SYAP1: variants seen among roughly 807,000 people sequenced by gnomAD.
SYAP1 encodes synapse associated protein 1, also known as synapse-associated protein 1.
Under a neutral mutation model 29.6 loss-of-function variants are expected in SYAP1, and 3 were observed. That is an observed-to-expected ratio of 0.10 (90% CI 0.05 to 0.26). The LOEUF is 0.26. SYAP1 is among the 10% of genes least tolerant of loss of function. SYAP1 has a pLI of 1.00. For missense variants in SYAP1, 217 were observed against 264.1 expected (o/e 0.82, Z 1.24); for synonymous variants, 102 against 102.7 (o/e 0.99, Z 0.04).
Position 16,763,473 on chromosome X carries a change from C to T in SYAP1, c.*3114C>T, listed in dbSNP as rs1396395856. 1 of 110,386 alleles carries T rather than the reference C, an allele frequency of 9.1e-6. No homozygotes were observed. Among genetic ancestry groups the T allele is most frequent in the Non-Finnish European group, 1.9e-5 (1 of 52,849 alleles). The allele number at this position is 110,386 out of a possible 1,213,427, so 9.1% of individuals were successfully genotyped here. Reference sequence around the variant, plus strand: ...GTTCAAGCGATTCTCCCACCTCAGCCTCCAGAGTAGCTGGGATTACAGGCA... The same window carrying T: ...GTTCAAGCGATTCTCCCACCTCAGCTTCCAGAGTAGCTGGGATTACAGGCA... On this transcript the variant is annotated 3_prime_UTR_variant, in exon 9 of 9. Coordinates refer to ENST00000380155, the MANE Select transcript of SYAP1 (RefSeq NM_032796.4).
chrX:16,738,024 A>G lies in SYAP1; in HGVS notation c.361+1792A>G, dbSNP rs143619984. On this transcript the variant is annotated intron_variant, in intron 3 of 8. Coordinates refer to ENST00000380155, the MANE Select transcript of SYAP1 (RefSeq NM_032796.4). Reference sequence around the variant, plus strand: ...TCAAGCATGAAGGGAGATGAGCAGAAGCTCCACAGTGTTTAGGGAGGGGAA... The same window carrying G: ...TCAAGCATGAAGGGAGATGAGCAGAGGCTCCACAGTGTTTAGGGAGGGGAA... 8.3e-3 allele frequency among the ~76,000 whole-genome samples: 924 copies of G among 111,831 alleles called. 11 individuals are homozygous for G. Among genetic ancestry groups the G allele is most frequent in the African/African-American group, 0.028 (877 of 30,823 alleles).
At chrX:16,744,512 A>G (rs1926551211) in intron 5 of SYAP1, among the ~76,000 whole-genome samples, 1 of 112,579 alleles carries the variant, frequency 8.9e-6, no homozygotes, top group African/African-American at 3.2e-5. Flanking sequence ...CTGTTCCCTG[A>G]GTACGTTAGT....
chrX:16,740,342 C>CTT (rs57231597), intron 3 of SYAP1, among the ~76,000 whole-genome samples: 29,918 of 90,225 alleles, frequency 0.33, 4,351 homozygotes, highest in East Asian at 0.55. Context: ...TTGTGCATTT[C>CTT]TTTTTTTTTT....
chrX:16,755,436 G>A (rs1230401823), intron 6 of SYAP1, among the ~76,000 whole-genome samples: 1 of 109,756 alleles, frequency 9.1e-6, no homozygotes, highest in African/African-American at 3.3e-5. Context: ...GGACTTACAG[G>A]CATGAGCCAC....
intron 1 of SYAP1, among the ~76,000 whole-genome samples, chrX:16,732,179 C>T (rs1926222943): frequency 8.9e-6 from 1 of 112,257 alleles, no homozygotes; most frequent in Non-Finnish European, 1.9e-5. Flanking sequence ...GTCACATAAA[C>T]TTGAAAAAGC....
intron 1 of SYAP1, among the ~76,000 whole-genome samples, chrX:16,728,335 T>C (rs1053764608): frequency 9.0e-6 from 1 of 111,504 alleles, no homozygotes; most frequent in African/African-American, 3.3e-5. Context: ...AGAGCACTTG[T>C]TAGAGCTTTA....
chrX:16,743,420 G>A (rs945697276), intron 4 of SYAP1, among the ~76,000 whole-genome samples: 10 of 109,867 alleles, frequency 9.1e-5, no homozygotes, highest in Non-Finnish European at 1.9e-4. Context: ...TGGATCACGA[G>A]GTCAGGAGTT....
In SYAP1 at chrX:16,719,633, C is replaced by T. The variant is rs1925903469; in HGVS notation, c.-92C>T. The T allele has an allele frequency of 4.8e-6, 5 of 1,033,027 alleles. No individual in the cohort carries two copies. In the South Asian group the frequency reaches 9.3e-5, roughly 19 times the overall value. 85.1% of individuals were successfully genotyped at this position (1,033,027 alleles called of 1,213,427 possible). A position where few individuals can be genotyped will look rare whatever the true frequency, so the allele number is the denominator to read the frequency against. On this transcript the variant is annotated 5_prime_UTR_variant, in exon 1 of 9. Coordinates refer to ENST00000380155, the MANE Select transcript of SYAP1 (RefSeq NM_032796.4). ...CGGTGTTCCTCCGACTTCCGGACATCTCCCTGGGAGTCGCGCAGAGTGGAG... is the reference window on the plus strand; with the variant it reads ...CGGTGTTCCTCCGACTTCCGGACATTTCCCTGGGAGTCGCGCAGAGTGGAG...
At position 16,765,154 on chromosome X, in the gene SYAP1, C is replaced by A. The variant is rs912130622; in HGVS notation, c.*4795C>A. The stretch of plus-strand genomic sequence containing the variant: ...ATCACATGCAGTTATATACTTCTCA[C>A]AAATCATCAAATTATTTATCTGGTC... On this transcript the variant is annotated 3_prime_UTR_variant, in exon 9 of 9. Transcript: ENST00000380155. 1 of 112,357 alleles carries A rather than the reference C, an allele frequency of 8.9e-6. No homozygotes were observed. Among genetic ancestry groups the A allele is most frequent in the African/African-American group, 3.2e-5 (1 of 30,977 alleles). The allele number at this position is 112,357 out of a possible 1,213,427, so 9.3% of individuals were successfully genotyped here. A position where few individuals can be genotyped will look rare whatever the true frequency, so the allele number is the denominator to read the frequency against.
rs187849042 is a variant in SYAP1 at position 16,722,699 on chromosome X, C to A, written c.175+2800C>A. Among the ~76,000 whole-genome samples, 347 of 111,002 alleles carry A rather than the reference C, an allele frequency of 3.1e-3. 3 individuals are homozygous for A. The highest frequency in any genetic ancestry group is 0.011 in the African/African-American group (334 of 30,509). On this transcript the variant is annotated intron_variant, in intron 1 of 8. Coordinates refer to ENST00000380155, the MANE Select transcript of SYAP1 (RefSeq NM_032796.4). ...CACCCAGGCCTGCATTCCACTCCCT[C>A]ACTCAAAACCAAACCTCCTGGTCTC... is the stretch of plus-strand genomic sequence containing the variant.
intron 1 of SYAP1, among the ~76,000 whole-genome samples, chrX:16,721,733 C>T (rs1925967753): frequency 9.2e-6 from 1 of 108,402 alleles, no homozygotes; most frequent in Non-Finnish European, 1.9e-5. Flanking sequence ...GACAGTGTTT[C>T]ACCATGTTGG....
At chrX:16,738,474 G>A (rs1926376870) in intron 3 of SYAP1, among the ~76,000 whole-genome samples, 1 of 111,274 alleles carries the variant, frequency 9.0e-6, no homozygotes, top group African/African-American at 3.3e-5. Context: ...AGGTCACTCA[G>A]CTGGTAAGTG....
chrX:16,742,143 G>GT (rs144175479), intron 4 of SYAP1, among the ~76,000 whole-genome samples: 9,313 of 41,803 alleles, frequency 0.22, 2,227 homozygotes, highest in African/African-American at 0.27. Flanking sequence ...TTTTTGTGTG[G>GT]TTTTTTTTTT....
At chrX:16,735,101 C>T in intron 1 of SYAP1, 126 bp from the exon 2 acceptor site, 1 of 368,954 alleles carries the variant, frequency 2.7e-6, no homozygotes, top group Admixed American at 5.2e-5. Flanking sequence ...ACTGTCAGTG[C>T]TTCTCATTAC....
chrX:16,724,803 G>A (rs1349433697), intron 1 of SYAP1, among the ~76,000 whole-genome samples: 3 of 111,986 alleles, frequency 2.7e-5, no homozygotes, highest in Non-Finnish European at 5.6e-5. Flanking sequence ...AAATTTCTTG[G>A]GGTGGAGCTG....
At position 16,719,640 on chromosome X, in the gene SYAP1, G is replaced by A. The variant is rs1925904034; in HGVS notation, c.-85G>A. The A allele has an allele frequency of 9.5e-7, 1 of 1,056,149 alleles. No homozygotes were observed. The highest frequency in any genetic ancestry group is 1.9e-5 in the African/African-American group (1 of 52,956). The allele number at this position is 1,056,149 out of a possible 1,213,427, so 87.0% of individuals were successfully genotyped here. On this transcript the variant is annotated 5_prime_UTR_variant, in exon 1 of 9. Coordinates refer to ENST00000380155, the MANE Select transcript of SYAP1 (RefSeq NM_032796.4). ...CCTCCGACTTCCGGACATCTCCCTGGGAGTCGCGCAGAGTGGAGTCAAAGG... is the reference window on the plus strand; with the variant it reads ...CCTCCGACTTCCGGACATCTCCCTGAGAGTCGCGCAGAGTGGAGTCAAAGG...
At chrX:16,744,864 G>A (rs1252160113) in intron 5 of SYAP1, among the ~76,000 whole-genome samples, 4 of 112,365 alleles carry the variant, frequency 3.6e-5, no homozygotes, top group East Asian at 2.8e-4. Flanking sequence ...TACTCAGGAA[G>A]CTGAGGCGGG....
chrX:16,748,939 T>C (rs1926667793), intron 5 of SYAP1, among the ~76,000 whole-genome samples: 1 of 109,795 alleles, frequency 9.1e-6, no homozygotes, highest in Non-Finnish European at 1.9e-5. Context: ...GTATATTTAG[T>C]AGAGACAGGG....
chrX:16,736,358 AC>A, intron 3 of SYAP1, 126 bp downstream of exon 3: 3 of 456,099 alleles, frequency 6.6e-6, no homozygotes, highest in Non-Finnish European at 1.2e-5. Context: ...TTTGGGTAGC[AC>A]AAAGACTAGT....
Sources: allele counts gnomAD v4.1 joint callset (sites outside exome capture counted in the v4.1 genomes callset), GRCh38; gene constraint gnomAD v4.1.1; transcripts MANE v1.5; gene names NCBI Gene and HGNC (gene_info 2026-07-23, HGNC 2026-07-21).